CMTM4: variants seen among roughly 807,000 people sequenced by gnomAD.
The protein encoded by CMTM4 is CKLF like MARVEL transmembrane domain containing 4.
In CMTM4, 8 loss-of-function variants were observed where a neutral mutation model predicts 19.0. That is an observed-to-expected ratio of 0.42 (90% CI 0.25 to 0.76). CMTM4 has a LOEUF of 0.76. Ranked by LOEUF, CMTM4 falls within the 30% of genes least tolerant of loss-of-function variation. CMTM4 has a pLI of 0.27. For synonymous variants in CMTM4, 106 were observed against 121.1 expected (o/e 0.88, Z 0.82); for missense variants, 228 against 290.2 (o/e 0.79, Z 1.56).
At position 66,622,101 on chromosome 16, in the gene CMTM4, C is replaced by G. The variant is rs759496057; in HGVS notation, c.584G>C (p.Arg195Thr). ...GATCTCAGGGCGACTGTCCACATCC[C>G]TGGACTCCGTGCGGGCTCGGATGTA... ...NDYIRARTES[R>T]DVDSRPEIQR... The change falls in exon 4 of 4, where the codon AGG (arginine) becomes ACG (threonine). Residue 195 changes from arginine (R) to threonine (T), a missense_variant. Transcript: ENST00000394106. The surrounding 1 kb of genome is among the most constrained non-coding windows in gnomAD (Gnocchi z 4.0). 1 of 1,591,896 alleles carries G rather than the reference C, an allele frequency of 6.3e-7. No individual in the cohort carries two copies. The highest frequency in any genetic ancestry group is 8.6e-7 in the Non-Finnish European group (1 of 1,168,334).
At chr16:66,626,401 C>A (rs1333718381) in intron 2 of CMTM4, among the ~76,000 whole-genome samples, 1 of 152,156 alleles carries the variant, frequency 6.6e-6, no homozygotes, top group Non-Finnish European at 1.5e-5. Flanking sequence ...CTCAGGAGCT[C>A]AAGACCACCC....
At chr16:66,663,582 C>T (rs1211831614) in intron 1 of CMTM4, among the ~76,000 whole-genome samples, 1 of 111,384 alleles carries the variant, frequency 9.0e-6, no homozygotes, top group Non-Finnish European at 1.6e-5. Context: ...CTAGCTCTGT[C>T]GTCAGGCTGG....
At chr16:66,624,629 T>C (rs2015700817) in intron 2 of CMTM4, among the ~76,000 whole-genome samples, 1 of 152,154 alleles carries the variant, frequency 6.6e-6, no homozygotes, top group South Asian at 2.1e-4. Context: ...TAGCTGGGCA[T>C]GGTGGCGCAT....
At chr16:66,625,421 C>T (rs1002153470) in intron 2 of CMTM4, among the ~76,000 whole-genome samples, 3 of 141,424 alleles carry the variant, frequency 2.1e-5, no homozygotes, top group South Asian at 2.2e-4. Flanking sequence ...GCAACAAGAG[C>T]GAAACTCTGT....
At chr16:66,603,250 C>T in the CMTM4 span, among the ~76,000 whole-genome samples, 1 of 151,918 alleles carries the variant, frequency 6.6e-6, no homozygotes, top group Non-Finnish European at 1.5e-5. Flanking sequence ...CAGTGTGCTT[C>T]TTTGTGTCCT....
At chr16:66,609,628 C>A in the CMTM4 span, 6 of 1,513,984 alleles carry the variant, frequency 4.0e-6, no homozygotes, top group African/African-American at 2.8e-5. The surrounding 1 kb of genome is among the most constrained non-coding windows in gnomAD (Gnocchi z 4.4). Context: ...CTGGGGCCCC[C>A]CTGGGGTCTC....
At position 66,619,539 on chromosome 16, in the gene CMTM4, C is replaced by A; in HGVS notation, c.*2519G>T. The A allele has an allele frequency of 2.0e-6, 2 of 985,328 alleles. No homozygotes were observed. The highest frequency in any genetic ancestry group is 2.4e-6 in the Non-Finnish European group (2 of 829,910). The allele number at this position is 985,328 out of a possible 1,614,324, so 61.0% of individuals were successfully genotyped here. ...CGCAAAAACGCTTCCTTCAATTTGC[C>A]AAGAGGTCATTTTAAGGCCCCCAGA... is the stretch of plus-strand genomic sequence containing the variant. On this transcript the variant is annotated 3_prime_UTR_variant, in exon 4 of 4. Coordinates refer to ENST00000394106, the MANE Select transcript of CMTM4 (RefSeq NM_181521.3).
At chr16:66,694,393 C>T (rs764968852) in intron 1 of CMTM4, among the ~76,000 whole-genome samples, 1 of 152,120 alleles carries the variant, frequency 6.6e-6, no homozygotes, top group Non-Finnish European at 1.5e-5. Context: ...CATACTCAAA[C>T]ATTGGCTAGC....
the CMTM4 span, among the ~76,000 whole-genome samples, chr16:66,601,240 T>C: frequency 6.6e-6 from 1 of 152,132 alleles, no homozygotes; most frequent in South Asian, 2.1e-4. Context: ...GTTCTTGTCT[T>C]GCATCCAGGA....
intron 1 of CMTM4, among the ~76,000 whole-genome samples, chr16:66,667,267 G>C (rs1012028855): frequency 1.3e-5 from 2 of 152,110 alleles, no homozygotes; most frequent in African/African-American, 2.4e-5. Context: ...AGAAGCTACA[G>C]TGAGCTGAGA....
chr16:66,673,990 C>T (rs1439974499), intron 1 of CMTM4, among the ~76,000 whole-genome samples: 3 of 152,220 alleles, frequency 2.0e-5, no homozygotes, highest in Non-Finnish European at 4.4e-5. Context: ...AGCAAGGCAG[C>T]CAGTGCTCAT....
At chr16:66,675,688 G>A (rs1212176955) in intron 1 of CMTM4, among the ~76,000 whole-genome samples, 1 of 151,926 alleles carries the variant, frequency 6.6e-6, no homozygotes, top group Non-Finnish European at 1.5e-5. Context: ...ACATGGACAT[G>A]CACAGTGACT....
At chr16:66,614,378 A>C (rs1271788659), downstream of CMTM4, among the ~76,000 whole-genome samples, 1 of 152,192 alleles carries the variant, frequency 6.6e-6, no homozygotes, top group Non-Finnish European at 1.5e-5. This position sits in a 1 kb window ranked among gnomAD's most constrained non-coding sequence, Gnocchi z 4.9. Flanking sequence ...GGCAGCCGGA[A>C]CCCTGGGGCT....
intron 1 of CMTM4, among the ~76,000 whole-genome samples, chr16:66,659,848 G>A (rs1240465366): frequency 6.6e-6 from 1 of 152,196 alleles, no homozygotes; most frequent in Non-Finnish European, 1.5e-5. Flanking sequence ...TAAAAAGTAT[G>A]TGGGCACTTG....
chr16:66,646,840 G>A (rs1406162639), intron 1 of CMTM4, among the ~76,000 whole-genome samples: 1 of 151,762 alleles, frequency 6.6e-6, no homozygotes, highest in African/African-American at 2.4e-5. Flanking sequence ...CTGAGTAGCT[G>A]GGATTATAGG....
At chr16:66,614,375 G>A (rs929506170), downstream of CMTM4, among the ~76,000 whole-genome samples, 4 of 152,178 alleles carry the variant, frequency 2.6e-5, no homozygotes, top group Non-Finnish European at 5.9e-5. The surrounding 1 kb of genome is among the most constrained non-coding windows in gnomAD (Gnocchi z 4.9). Flanking sequence ...TCAGGCAGCC[G>A]GAACCCTGGG....
the CMTM4 span, chr16:66,604,836 G>A: frequency 1.9e-3 from 2,517 of 1,334,252 alleles, 2 homozygotes; most frequent in Non-Finnish European, 2.2e-3. Context: ...CCCCGACCCG[G>A]ACCCCGAGCC....
chr16:66,632,546 G>A (rs1055735215), intron 2 of CMTM4, among the ~76,000 whole-genome samples: 1 of 152,294 alleles, frequency 6.6e-6, no homozygotes, highest in African/African-American at 2.4e-5. Flanking sequence ...GATTAGGAGA[G>A]GGGGAAGTAG....
chr16:66,610,791 G>A (rs2015348261), downstream of CMTM4: 1 of 398,550 alleles, frequency 2.5e-6, no homozygotes, highest in Non-Finnish European at 4.4e-6. This position sits in a 1 kb window ranked among gnomAD's most constrained non-coding sequence, Gnocchi z 4.6. Context: ...CCCTGTGGTT[G>A]GGATCTTCCC....
Sources: allele counts gnomAD v4.1 joint callset (sites outside exome capture counted in the v4.1 genomes callset), GRCh38; gene constraint gnomAD v4.1.1; non-coding constraint Gnocchi (gnomAD v3.1); transcripts MANE v1.5; gene names NCBI Gene and HGNC (gene_info 2026-07-23, HGNC 2026-07-21).